The following FASTKD1 variants were observed in gnomAD, a reference collection of about 807,000 sequenced individuals.
FASTKD1 encodes the protein FAST kinase domain-containing protein 1, mitochondrial.
FASTKD1 carries 94 observed loss-of-function variants against 90.9 expected under a neutral mutation model. The observed-to-expected ratio is 1.03, with a 90% CI of 0.88 to 1.23. FASTKD1 has a LOEUF of 1.23. Ranked by LOEUF, FASTKD1 falls within the 50% of genes most tolerant of loss-of-function variation. The pLI is 0.00. For synonymous variants in FASTKD1, 319 were observed against 345.8 expected, an observed-to-expected ratio of 0.92 and a Z score of 0.86; for missense variants, 945 against 993.5, an observed-to-expected ratio of 0.95 and a Z score of 0.66.
rs917752311 is a variant in FASTKD1, at chr2:169,571,588, A to AT, written c.377+64dup. On this transcript the variant is annotated intron_variant, in intron 2 of 14. Transcript: ENST00000453153. ...AAATAAATAAAATGAAAATAAAGAG[A>AT]TTTTTAGAAAATTAAAATGTAAACT... 22 of 1,097,038 alleles carry AT rather than the reference A, an allele frequency of 2.0e-5. 1 individual carries two copies. The African/African-American group carries it at 3.5e-4, about 18-fold the overall frequency. 68.0% of individuals were successfully genotyped at this position (1,097,038 alleles called of 1,614,324 possible).
At chr2:169,570,358 T>C (rs1173152032) in intron 2 of FASTKD1, among the ~76,000 whole-genome samples, 1 of 152,180 alleles carries the variant, frequency 6.6e-6, no homozygotes, top group Non-Finnish European at 1.5e-5. Flanking sequence ...CTTCATTTTT[T>C]CTTCACAAAT....
At chr2:169,562,832 G>C (rs1237839657) in intron 4 of FASTKD1, among the ~76,000 whole-genome samples, 1 of 152,116 alleles carries the variant, frequency 6.6e-6, no homozygotes, top group African/African-American at 2.4e-5. Context: ...ATGGGAACGA[G>C]AGCTCAGGGA....
intron 5 of FASTKD1, among the ~76,000 whole-genome samples, chr2:169,558,996 CAG>C (rs1014021621): frequency 5.7e-5 from 8 of 141,004 alleles, no homozygotes; most frequent in Non-Finnish European, 9.2e-5. Flanking sequence ...TTTTTTGAGT[CAG>C]AGTTTCGCTC....
intron 3 of FASTKD1, among the ~76,000 whole-genome samples, chr2:169,565,532 G>A (rs1001073151): frequency 2.0e-5 from 3 of 152,230 alleles, no homozygotes; most frequent in African/African-American, 7.2e-5. Flanking sequence ...AAAGTGCTGG[G>A]ATTACAGGCG....
chr2:169,531,130 C>A, intron 13 of FASTKD1: 1 of 751,066 alleles, frequency 1.3e-6, no homozygotes, highest in African/African-American at 1.7e-5. Flanking sequence ...CAGTGGAGGA[C>A]AATTCTTTTA....
chr2:169,544,600 T>A (rs1285038767), intron 9 of FASTKD1, 121 bp downstream of exon 9: 1 of 658,120 alleles, frequency 1.5e-6, no homozygotes, highest in Non-Finnish European at 2.7e-6. Flanking sequence ...AAAAACCTTT[T>A]TTTAGGTAGA....
intron 3 of FASTKD1, among the ~76,000 whole-genome samples, chr2:169,564,191 GAC>G (rs938999585): frequency 9.2e-5 from 14 of 152,104 alleles, no homozygotes; most frequent in African/African-American, 3.4e-4. Context: ...AAATTTAAGA[GAC>G]ACAGTAATTG....
Position 169,532,718 on chromosome 2 carries a change from G to A in FASTKD1, c.2189-1228C>T, listed in dbSNP as rs529402415. Among the ~76,000 whole-genome samples, 17 of 152,010 alleles carry A rather than the reference G, an allele frequency of 1.1e-4. No individual in the cohort carries two copies. In the South Asian group the frequency reaches 1.2e-3, roughly 11 times the overall value. On this transcript the variant is annotated intron_variant, in intron 12 of 14. Transcript: ENST00000453153. ...TAAGTTAAAAAAAGAAGTAGGAAAG[G>A]AAAAGTTGAACCAAAAACTGCAAAC...
intron 6 of FASTKD1, among the ~76,000 whole-genome samples, chr2:169,556,357 GC>G (rs542439506): frequency 9.4e-5 from 14 of 149,500 alleles, no homozygotes; most frequent in Non-Finnish European, 1.5e-4. Context: ...GATCAATTGA[GC>G]CTGGGAGGTG....
chr2:169,571,379 T>C (rs111597997), intron 2 of FASTKD1: 2,014 of 192,752 alleles, frequency 0.01, 42 homozygotes, highest in African/African-American at 0.044. Context: ...CTGGCTAACA[T>C]GGTGAAACCC....
At position 169,563,360 on chromosome 2, in the gene FASTKD1, G is replaced by T; in HGVS notation, c.447-10C>A. On this transcript the variant is annotated splice_polypyrimidine_tract_variant and intron_variant, in intron 3 of 14. Coordinates refer to ENST00000453153, the MANE Select transcript of FASTKD1 (RefSeq NM_024622.6). ...CAGTTTAATATCAAACCTATTAAAGGAAATATACAAAGGAGAACATTAGTA... is the reference window on the plus strand; with the variant it reads ...CAGTTTAATATCAAACCTATTAAAGTAAATATACAAAGGAGAACATTAGTA... 6.4e-7 allele frequency: 1 copy of T among 1,572,186 alleles called. No homozygotes were observed. The highest frequency in any genetic ancestry group is 8.7e-7 in the Non-Finnish European group (1 of 1,147,252).
intron 7 of FASTKD1, among the ~76,000 whole-genome samples, chr2:169,553,316 T>C (rs1685585014): frequency 7.5e-6 from 1 of 133,472 alleles, no homozygotes; most frequent in African/African-American, 2.8e-5. Context: ...AAATCATGCC[T>C]GGGCTAGTGT....
intron 7 of FASTKD1, among the ~76,000 whole-genome samples, chr2:169,549,426 T>A (rs1302504434): frequency 6.6e-6 from 1 of 151,966 alleles, no homozygotes; most frequent in Admixed American, 6.6e-5. Flanking sequence ...AAAATAAAAA[T>A]AAATAAATAA....
intron 12 of FASTKD1, among the ~76,000 whole-genome samples, chr2:169,535,042 G>C (rs1015716481): frequency 1.3e-5 from 2 of 152,070 alleles, no homozygotes; most frequent in Admixed American, 6.6e-5. Flanking sequence ...ATATTAAAAA[G>C]AGATGGCTTC....
At chr2:169,567,239 TTTAA>T (rs983189658) in intron 3 of FASTKD1, among the ~76,000 whole-genome samples, 57 of 152,180 alleles carry the variant, frequency 3.7e-4, no homozygotes, top group African/African-American at 1.4e-3. Context: ...ATACATGTAA[TTTAA>T]TTAATACAGT....
intron 12 of FASTKD1, 172 bp from the exon 13 acceptor site, chr2:169,531,662 C>T (rs1453618903): frequency 7.5e-6 from 4 of 536,066 alleles, no homozygotes; most frequent in Non-Finnish European, 3.2e-6. Context: ...GGTCCAATGG[C>T]ACCTCTCTTT....
chr2:169,536,731 A>G (rs1217803256), intron 12 of FASTKD1, among the ~76,000 whole-genome samples: 2 of 152,226 alleles, frequency 1.3e-5, no homozygotes, highest in African/African-American at 4.8e-5. Flanking sequence ...CCACAATTCA[A>G]TCAGAATGCA....
intron 6 of FASTKD1, 25 bp downstream of exon 6, chr2:169,557,162 A>G: frequency 7.0e-7 from 1 of 1,423,666 alleles, no homozygotes; most frequent in Non-Finnish European, 9.9e-7. Context: ...AACAAACTTA[A>G]CGTCGTAAAT....
intron 14 of FASTKD1, 145 bp downstream of exon 14, chr2:169,530,442 G>C: frequency 1.8e-6 from 1 of 560,730 alleles, no homozygotes; most frequent in South Asian, 2.6e-5. Flanking sequence ...ACAGGCATGA[G>C]CTATTGTATC....
Sources: gnomAD v4.1 joint callset for allele counts (sites outside exome capture counted in the v4.1 genomes callset) on GRCh38, gnomAD v4.1.1 for gene constraint, MANE v1.5 for transcripts, NCBI Gene and HGNC (gene_info 2026-07-23, HGNC 2026-07-21) for gene names.